Variants in SEMA5A observed in about 807,000 individuals in gnomAD.
SEMA5A encodes the protein semaphorin-5A.
In SEMA5A, 55 loss-of-function variants were observed where a neutral mutation model predicts 135.5. The observed-to-expected ratio is 0.41, with a 90% confidence interval of 0.33 to 0.51. The LOEUF is 0.51. Ranked by LOEUF, SEMA5A falls within the 20% of genes least tolerant of loss-of-function variation. The pLI, the probability that SEMA5A is intolerant of heterozygous loss-of-function variation, is 0.37. For missense variants in SEMA5A, 1,290 were observed against 1,419.9 expected (o/e 0.91, Z 1.47); for synonymous variants, 580 against 546.5 (o/e 1.06, Z -0.85).
At chr5:9,287,108 C>A (rs190782668) in intron 5 of SEMA5A, among the ~76,000 whole-genome samples, 1 of 152,228 alleles carries the variant, frequency 6.6e-6, no homozygotes, top group African/African-American at 2.4e-5. Context: ...AACCCTCCCC[C>A]GTCCACCTGC....
chr5:9,052,985 A>G (rs900447189), intron 19 of SEMA5A, among the ~76,000 whole-genome samples: 5 of 152,236 alleles, frequency 3.3e-5, no homozygotes, highest in Non-Finnish European at 7.3e-5. Flanking sequence ...ATGTTTCCTT[A>G]GAAATGCAGA....
In SEMA5A at chr5:9,125,028, A is replaced by T. The variant is rs192880507; in HGVS notation, c.1600-2191T>A. On this transcript the variant is annotated intron_variant, in intron 13 of 22. Coordinates refer to ENST00000382496, the MANE Select transcript of SEMA5A (RefSeq NM_003966.3). Reference sequence around the variant, plus strand: ...AACTATACCCATACTTCGCCATTTCAGAATAATGCTGACACCATATTTTGT... The same window carrying T: ...AACTATACCCATACTTCGCCATTTCTGAATAATGCTGACACCATATTTTGT... Among the ~76,000 whole-genome samples the T allele has an allele frequency of 3.3e-4, 50 of 152,364 alleles. No homozygotes were observed. The East Asian group carries it at 9.3e-3, about 28-fold the overall frequency.
intron 8 of SEMA5A, among the ~76,000 whole-genome samples, chr5:9,216,610 G>A (rs1336387678): frequency 7.0e-6 from 1 of 143,728 alleles, no homozygotes; most frequent in East Asian, 1.9e-4. Context: ...TTATTATTGT[G>A]TGTGAGTCCA....
At position 9,221,414 on chromosome 5, in the gene SEMA5A, T is replaced by C. The variant is rs1213895214; in HGVS notation, c.646+3260A>G. On this transcript the variant is annotated intron_variant, in intron 8 of 22. Transcript: ENST00000382496. The stretch of plus-strand genomic sequence containing the variant: ...GCCTCCCGGGTTCACACCATTCTCC[T>C]GCCTCAGCCTCCCGAGTAGCTGGGA... Among the ~76,000 whole-genome samples the C allele has an allele frequency of 8.7e-5, 13 of 149,620 alleles. No homozygotes were observed. In the East Asian group the frequency reaches 1.8e-3, roughly 21 times the overall value.
At chr5:9,372,587 A>G (rs1755185180) in intron 3 of SEMA5A, among the ~76,000 whole-genome samples, 1 of 152,096 alleles carries the variant, frequency 6.6e-6, no homozygotes, top group Non-Finnish European at 1.5e-5. Context: ...ACATGGAACC[A>G]TAGACAAGCA....
chr5:9,256,611 C>T (rs1749080903), intron 5 of SEMA5A, among the ~76,000 whole-genome samples: 1 of 152,216 alleles, frequency 6.6e-6, no homozygotes, highest in African/African-American at 2.4e-5. Context: ...TAACACTTTT[C>T]CTAACTATTA....
At position 9,051,913 on chromosome 5, in the gene SEMA5A, C is replaced by T. The variant is rs764157768; in HGVS notation, c.2805G>A (p.Thr935=). 21 of 1,614,022 alleles carry T rather than the reference C, an allele frequency of 1.3e-5. No homozygotes were observed. Among genetic ancestry groups the T allele is most frequent in the East Asian group, 4.5e-5 (2 of 44,880 alleles). The change falls in exon 20 of 23, where the codon ACG becomes ACA. Residue 935 remains threonine (T), a synonymous_variant. Transcript: ENST00000382496. ...PMGSQCSGNT[T]ESRPCVFDSN... ...AGTCAAACACACACGGCCGGCTCTC[C>T]GTGGTGTTCCCGGAGCACTGGCTGC...
chr5:9,439,130 C>T (rs1202318156), intron 1 of SEMA5A, among the ~76,000 whole-genome samples: 2 of 152,178 alleles, frequency 1.3e-5, no homozygotes, highest in East Asian at 3.9e-4. Flanking sequence ...CCTCCAGTCC[C>T]AGCAGAGTCC....
intron 12 of SEMA5A, among the ~76,000 whole-genome samples, chr5:9,153,301 G>A (rs962832684): frequency 6.6e-6 from 1 of 152,178 alleles, no homozygotes. Flanking sequence ...ATTTCCCCAA[G>A]GGCGATCTTT....
At chr5:9,404,130 C>T (rs939419207) in intron 2 of SEMA5A, among the ~76,000 whole-genome samples, 1 of 151,978 alleles carries the variant, frequency 6.6e-6, no homozygotes, top group African/African-American at 2.4e-5. Flanking sequence ...GATGCGGTTT[C>T]ACCATGTTGG....
chr5:9,469,200 G>A (rs1029283252), intron 1 of SEMA5A, among the ~76,000 whole-genome samples: 3 of 152,036 alleles, frequency 2.0e-5, no homozygotes, highest in African/African-American at 4.8e-5. Flanking sequence ...GTAGAGATGG[G>A]GTTTCACCGT....
chr5:9,122,612 G>T (rs1441215045), intron 14 of SEMA5A, 44 bp downstream of exon 14: 1 of 1,449,842 alleles, frequency 6.9e-7, no homozygotes, highest in Non-Finnish European at 9.2e-7. Flanking sequence ...GAGAATCTGA[G>T]TTTAATACAC....
At chr5:9,315,435 C>T (rs1471241797) in intron 5 of SEMA5A, among the ~76,000 whole-genome samples, 1 of 152,126 alleles carries the variant, frequency 6.6e-6, no homozygotes, top group Non-Finnish European at 1.5e-5. Flanking sequence ...CTTATCCAGA[C>T]ATTTGAATTT....
intron 2 of SEMA5A, among the ~76,000 whole-genome samples, chr5:9,391,830 T>C (rs1179153281): frequency 6.6e-6 from 1 of 152,190 alleles, no homozygotes. Context: ...TTTTCCCTGT[T>C]CAAAAATTTC....
At chr5:9,262,846 T>C (rs1178673936) in intron 5 of SEMA5A, among the ~76,000 whole-genome samples, 24 of 124,802 alleles carry the variant, frequency 1.9e-4, no homozygotes, top group African/African-American at 7.1e-4. Context: ...TGTATACATA[T>C]GTAACTAACC....
In SEMA5A at chr5:9,482,070, G is replaced by A. The variant is rs143590269; in HGVS notation, c.-174-44218C>T. On this transcript the variant is annotated intron_variant, in intron 1 of 22. Coordinates refer to ENST00000382496, the MANE Select transcript of SEMA5A (RefSeq NM_003966.3). Reference sequence around the variant, plus strand: ...TTTCACTGACCCAAAAATTACTTTTGTCAACCCAAACATAGCTTTCTTTTC... The same window carrying A: ...TTTCACTGACCCAAAAATTACTTTTATCAACCCAAACATAGCTTTCTTTTC... 4.6e-5 allele frequency among the ~76,000 whole-genome samples: 7 copies of A among 152,252 alleles called. No homozygotes were observed. The East Asian group carries it at 5.8e-4, about 13-fold the overall frequency.
At chr5:9,145,616 G>A (rs1012294886) in intron 12 of SEMA5A, among the ~76,000 whole-genome samples, 15 of 150,482 alleles carry the variant, frequency 1.0e-4, no homozygotes, top group African/African-American at 3.6e-4. Context: ...CAGGAGGCCT[G>A]TGGAGTAGAT....
intron 1 of SEMA5A, among the ~76,000 whole-genome samples, chr5:9,438,246 G>A (rs76453643): frequency 1.3e-5 from 2 of 148,810 alleles, no homozygotes; most frequent in African/African-American, 2.5e-5. Flanking sequence ...TCCACTTTTT[G>A]GAACACATGG....
rs552540831 is a variant in SEMA5A at position 9,172,255 on chromosome 5, G to A, written c.1274-17560C>T. Among the ~76,000 whole-genome samples, 229 of 152,258 alleles carry A rather than the reference G, an allele frequency of 1.5e-3. 2 individuals carry two copies. The highest frequency in any genetic ancestry group is 3.0e-3 in the Non-Finnish European group (202 of 68,018). On this transcript the variant is annotated intron_variant, in intron 11 of 22. Coordinates refer to ENST00000382496, the MANE Select transcript of SEMA5A (RefSeq NM_003966.3). Reference sequence around the variant, plus strand: ...TAGAGATATTAAAAATGCCAACACCGTGTAATCAATATGATTTCTAATTGA... The same window carrying A: ...TAGAGATATTAAAAATGCCAACACCATGTAATCAATATGATTTCTAATTGA...
Sources: allele counts gnomAD v4.1 joint callset (sites outside exome capture counted in the v4.1 genomes callset), GRCh38; gene constraint gnomAD v4.1.1; transcripts MANE v1.5; gene names NCBI Gene and HGNC (gene_info 2026-07-23, HGNC 2026-07-21).